PPM1L: variants seen among roughly 807,000 people sequenced by gnomAD.
The protein encoded by PPM1L is protein phosphatase, Mg2+/Mn2+ dependent 1L.
Under a neutral mutation model 31.4 loss-of-function variants are expected in PPM1L, and 13 were observed. That is an observed-to-expected ratio of 0.41 (90% CI 0.27 to 0.66). The LOEUF is 0.66. PPM1L is among the 30% of genes least tolerant of loss of function. PPM1L has a pLI of 0.29. For synonymous variants in PPM1L, 184 were observed against 175.4 expected (o/e 1.05, Z -0.39); for missense variants, 326 against 453.7 (o/e 0.72, Z 2.56).
Position 161,026,189 on chromosome 3 carries a change from TG to T in PPM1L, c.575-39212del, listed in dbSNP as rs144254176. ...GTTATTAACTGCTTCCCAGATGCAA[TG>T]GTAAGAGTTTGTACTGCCCTTAAGG... is the stretch of plus-strand genomic sequence containing the variant. On this transcript the variant is annotated intron_variant, in intron 2 of 3. Coordinates refer to ENST00000498165, the MANE Select transcript of PPM1L (RefSeq NM_139245.4). 7.0e-3 allele frequency among the ~76,000 whole-genome samples: 1,059 copies of T among 152,260 alleles called. 16 individuals are homozygous for T. Among genetic ancestry groups the T allele is most frequent in the African/African-American group, 0.024 (977 of 41,544 alleles).
At chr3:160,889,530 G>A (rs945171836) in intron 1 of PPM1L, among the ~76,000 whole-genome samples, 5 of 152,146 alleles carry the variant, frequency 3.3e-5, no homozygotes, top group African/African-American at 1.2e-4. Context: ...ACCAAAAAAA[G>A]CCCAGGACCA....
intron 2 of PPM1L, among the ~76,000 whole-genome samples, chr3:161,007,681 G>A (rs941700305): frequency 1.3e-5 from 2 of 151,894 alleles, no homozygotes; most frequent in Non-Finnish European, 2.9e-5. Flanking sequence ...ATCAGCTTTC[G>A]TTAGTGTATT....
In PPM1L at chr3:160,756,721, C is replaced by T; in HGVS notation, c.399+14C>T. 1 of 1,605,036 alleles carries T rather than the reference C, an allele frequency of 6.2e-7. No individual in the cohort carries two copies. Among genetic ancestry groups the T allele is most frequent in the African/African-American group, 1.4e-5 (1 of 73,146 alleles). On this transcript the variant is annotated intron_variant, in intron 1 of 3. Coordinates refer to ENST00000498165, the MANE Select transcript of PPM1L (RefSeq NM_139245.4). This position sits in a 1 kb window ranked among gnomAD's most constrained non-coding sequence, Gnocchi z 6.2. ...CACGGGGGAGAGGTAGGAGCTACCC[C>T]GGGGCTTTGTATTTGTGTCCGTGTA...
At chr3:160,779,916 AT>A (rs954040192) in intron 1 of PPM1L, among the ~76,000 whole-genome samples, 19 of 149,528 alleles carry the variant, frequency 1.3e-4, no homozygotes, top group East Asian at 1.2e-3. Context: ...AATGCGAATG[AT>A]TTTTTTTTTA....
chr3:160,983,468 C>T (rs1716866904), intron 2 of PPM1L, among the ~76,000 whole-genome samples: 1 of 152,026 alleles, frequency 6.6e-6, no homozygotes, highest in African/African-American at 2.4e-5. Context: ...AATATGAAAG[C>T]TTTACAAAAT....
At chr3:160,948,178 G>C (rs1358398417) in intron 1 of PPM1L, among the ~76,000 whole-genome samples, 1 of 152,072 alleles carries the variant, frequency 6.6e-6, no homozygotes, top group Non-Finnish European at 1.5e-5. Flanking sequence ...AGTCAGACTT[G>C]GGAAAAAGAT....
At chr3:160,937,438 G>C (rs1715008221) in intron 1 of PPM1L, among the ~76,000 whole-genome samples, 2 of 152,092 alleles carry the variant, frequency 1.3e-5, no homozygotes, top group Non-Finnish European at 2.9e-5. Context: ...GGCTAACAGG[G>C]TGAAACCCCG....
chr3:161,006,680 C>CTTTTTTT lies in PPM1L; in HGVS notation c.574+44784_574+44790dup, dbSNP rs1180679318. ...CACTTCAGAAAACCCACCGTCTTTC[C>CTTTTTTT]TTTTTTTTTTTTTTTTTTTTGAGAC... On this transcript the variant is annotated intron_variant, in intron 2 of 3. Transcript: ENST00000498165. Among the ~76,000 whole-genome samples the CTTTTTTT allele has an allele frequency of 5.0e-5, 6 of 118,898 alleles. 1 individual carries two copies. Among genetic ancestry groups the CTTTTTTT allele is most frequent in the Non-Finnish European group, 3.4e-5 (2 of 58,498 alleles). The allele number at this position is 118,898 out of a possible 152,430, so 78.0% of individuals were successfully genotyped here. A position where few individuals can be genotyped will look rare whatever the true frequency, so the allele number is the denominator to read the frequency against.
At chr3:160,947,111 G>A (rs765280766) in intron 1 of PPM1L, among the ~76,000 whole-genome samples, 2 of 152,144 alleles carry the variant, frequency 1.3e-5, no homozygotes, top group South Asian at 2.1e-4. Context: ...CAAGTCAGGA[G>A]CTCATTAGGC....
intron 1 of PPM1L, among the ~76,000 whole-genome samples, chr3:160,769,805 T>C (rs542907530): frequency 4.5e-4 from 68 of 152,278 alleles, no homozygotes; most frequent in African/African-American, 1.5e-3. Flanking sequence ...TAAGTGTTAT[T>C]TTGTTTTAAA....
At chr3:161,055,345 G>C (rs898682) in intron 2 of PPM1L, among the ~76,000 whole-genome samples, 73,705 of 151,874 alleles carry the variant, frequency 0.49, 20,106 homozygotes, top group African/African-American at 0.72. Context: ...GGTACTTTAT[G>C]TGTGTTTCAG....
Position 161,069,058 on chromosome 3 carries a change from C to A in PPM1L, c.984C>A (p.Ala328=). ...GCTTGGATGAACCTCACTTTGGGGCCAAGAGCATAGTTTTACAGTCATTTT... is the reference window on the plus strand; with the variant it reads ...GCTTGGATGAACCTCACTTTGGGGCAAAGAGCATAGTTTTACAGTCATTTT... ...KERLDEPHFG[A]KSIVLQSFYR... is the part of the protein sequence containing the mutation. The change falls in exon 4 of 4, where the codon GCC becomes GCA. Residue 328 remains alanine, a synonymous_variant. Coordinates refer to ENST00000498165, the MANE Select transcript of PPM1L (RefSeq NM_139245.4). 6.2e-7 allele frequency: 1 copy of A among 1,614,150 alleles called. No homozygotes were observed. Among genetic ancestry groups the A allele is most frequent in the Non-Finnish European group, 8.5e-7 (1 of 1,180,016 alleles).
intron 1 of PPM1L, among the ~76,000 whole-genome samples, chr3:160,815,485 G>A (rs994298531): frequency 6.6e-6 from 1 of 152,012 alleles, no homozygotes; most frequent in Non-Finnish European, 1.5e-5. Context: ...GAGGGGGAGG[G>A]TGGTGGTACT....
At chr3:160,840,814 GGA>G (rs890377169) in intron 1 of PPM1L, among the ~76,000 whole-genome samples, 2 of 150,418 alleles carry the variant, frequency 1.3e-5, no homozygotes, top group East Asian at 2.0e-4. Flanking sequence ...AGAGAGAGAA[GGA>G]GAGAGAGAGA....
chr3:160,855,057 A>G (rs967563555), intron 1 of PPM1L, among the ~76,000 whole-genome samples: 13 of 152,116 alleles, frequency 8.5e-5, no homozygotes, highest in African/African-American at 3.1e-4. Context: ...TAGAGAACCC[A>G]GAAAAAAAAG....
intron 1 of PPM1L, among the ~76,000 whole-genome samples, chr3:160,927,064 G>A (rs1259941033): frequency 6.6e-6 from 1 of 152,172 alleles, no homozygotes; most frequent in East Asian, 1.9e-4. Context: ...TTAATATTGT[G>A]TAAATAGAAG....
At chr3:160,913,609 T>G (rs1296297057) in intron 1 of PPM1L, among the ~76,000 whole-genome samples, 1 of 152,186 alleles carries the variant, frequency 6.6e-6, no homozygotes, top group Non-Finnish European at 1.5e-5. Flanking sequence ...ATTATAGATG[T>G]AAATTTGTCT....
intron 2 of PPM1L, among the ~76,000 whole-genome samples, chr3:161,061,622 G>A (rs1223992077): frequency 2.0e-5 from 3 of 152,124 alleles, no homozygotes; most frequent in African/African-American, 4.8e-5. Context: ...AACTATTTAC[G>A]TAGCATTTAC....
chr3:160,953,033 T>A (rs1227760824), intron 1 of PPM1L, among the ~76,000 whole-genome samples: 3 of 152,214 alleles, frequency 2.0e-5, no homozygotes, highest in Non-Finnish European at 2.9e-5. Flanking sequence ...GGCAAAGCAC[T>A]CTGTAGACCA....
Sources: gnomAD v4.1 joint callset for allele counts (sites outside exome capture counted in the v4.1 genomes callset) on GRCh38, gnomAD v4.1.1 for gene constraint, Gnocchi (gnomAD v3.1) non-coding constraint, MANE v1.5 for transcripts, NCBI Gene and HGNC (gene_info 2026-07-23, HGNC 2026-07-21) for gene names.